PTPRG: variants seen among roughly 807,000 people sequenced by gnomAD.
The protein encoded by PTPRG is receptor-type tyrosine-protein phosphatase gamma.
In PTPRG, 102 loss-of-function variants were observed where a neutral mutation model predicts 165.3. The ratio of observed to expected loss-of-function variants is 0.62; its 90% CI spans 0.53 to 0.73. PTPRG has a LOEUF of 0.73. Ranked by LOEUF, PTPRG falls within the 30% of genes least tolerant of loss-of-function variation. The probability of loss-of-function intolerance (pLI) is 0.00; values close to 1 mark genes in which losing one functional copy is unlikely to be tolerated. For missense variants in PTPRG, 1,866 were observed against 1,861.4 expected (o/e 1.00, Z -0.05); for synonymous variants, 675 against 669.5 (o/e 1.01, Z -0.13).
intron 4 of PTPRG, among the ~76,000 whole-genome samples, chr3:62,012,697 A>T (rs1294856705): frequency 1.3e-5 from 2 of 152,148 alleles, no homozygotes; most frequent in Admixed American, 1.3e-4. Flanking sequence ...CACTTGTGGC[A>T]TCATATCAGA....
At chr3:62,132,445 A>G (rs1471452374) in intron 5 of PTPRG, among the ~76,000 whole-genome samples, 157 bp from the exon 6 acceptor site, 1 of 152,226 alleles carries the variant, frequency 6.6e-6, no homozygotes. Flanking sequence ...ATGATGTCAT[A>G]AATCTCCTGC....
At chr3:62,132,241 C>T (rs1280779615) in intron 5 of PTPRG, among the ~76,000 whole-genome samples, 1 of 152,138 alleles carries the variant, frequency 6.6e-6, no homozygotes, top group East Asian at 1.9e-4. Context: ...TGAAATTTTC[C>T]GTCAATGATG....
chr3:61,897,629 A>C (rs1225252547), intron 2 of PTPRG, among the ~76,000 whole-genome samples: 3 of 152,154 alleles, frequency 2.0e-5, no homozygotes, highest in African/African-American at 7.2e-5. Flanking sequence ...CTTTCCTGGG[A>C]TTTTAATAGG....
intron 1 of PTPRG, among the ~76,000 whole-genome samples, chr3:61,609,799 C>T (rs1021850139): frequency 7.2e-5 from 11 of 151,976 alleles, no homozygotes; most frequent in South Asian, 2.1e-4. Context: ...GCCCAGGTTG[C>T]GGTGACTGCA....
chr3:62,004,434 T>G (rs1384132402), intron 4 of PTPRG, among the ~76,000 whole-genome samples: 2 of 152,178 alleles, frequency 1.3e-5, no homozygotes, highest in African/African-American at 4.8e-5. Context: ...CCTTCAGGCC[T>G]CTCAAAAAAG....
At chr3:62,075,826 T>G (rs1227157205) in intron 4 of PTPRG, among the ~76,000 whole-genome samples, 1 of 152,166 alleles carries the variant, frequency 6.6e-6, no homozygotes, top group Admixed American at 6.6e-5. Flanking sequence ...GCATCACGCC[T>G]TTTGGAAAAG....
At chr3:61,653,346 A>G (rs1307953006) in intron 1 of PTPRG, among the ~76,000 whole-genome samples, 2 of 152,014 alleles carry the variant, frequency 1.3e-5, no homozygotes, top group African/African-American at 2.4e-5. Flanking sequence ...ATGGTTCATA[A>G]TGGGTGGCAT....
chr3:61,666,447 C>A (rs1272203568), intron 1 of PTPRG, among the ~76,000 whole-genome samples: 2 of 152,216 alleles, frequency 1.3e-5, no homozygotes, highest in Non-Finnish European at 2.9e-5. Context: ...GTGTTCAGTT[C>A]TCTGCTGTTA....
chr3:61,912,934 G>T (rs1161434026), intron 2 of PTPRG, among the ~76,000 whole-genome samples: 1 of 151,860 alleles, frequency 6.6e-6, no homozygotes, highest in Non-Finnish European at 1.5e-5. Context: ...TTTTTCTCAT[G>T]CTGAAAATAA....
At chr3:62,243,089 G>A (rs1165330552) in intron 14 of PTPRG, among the ~76,000 whole-genome samples, 2 of 152,104 alleles carry the variant, frequency 1.3e-5, no homozygotes, top group Non-Finnish European at 2.9e-5. Context: ...GGAAAGCTGA[G>A]GGCCAGCCAG....
intron 2 of PTPRG, among the ~76,000 whole-genome samples, chr3:61,883,215 G>A (rs2037937078): frequency 6.6e-6 from 1 of 152,160 alleles, no homozygotes; most frequent in Non-Finnish European, 1.5e-5. Flanking sequence ...TTAGAATAAT[G>A]ATGAAAAAAT....
At chr3:61,873,744 A>G (rs1254555072) in intron 2 of PTPRG, among the ~76,000 whole-genome samples, 1 of 152,110 alleles carries the variant, frequency 6.6e-6, no homozygotes, top group African/African-American at 2.4e-5. Flanking sequence ...GCTCTCTGGT[A>G]TAAGAAAAAC....
Position 61,670,693 on chromosome 3 carries a change from G to A in PTPRG, c.86-78185G>A, listed in dbSNP as rs780031814. ...TTCTTAAAATCTCTCGCAGTCCCCC[G>A]GCATTTTCCTGAGCCTCCGGTTGTA... On this transcript the variant is annotated intron_variant, in intron 1 of 29. Transcript: ENST00000474889. Among the ~76,000 whole-genome samples, 25 of 152,124 alleles carry A rather than the reference G, an allele frequency of 1.6e-4. 1 individual carries two copies. The highest frequency in any genetic ancestry group is 4.1e-4 in the South Asian group (2 of 4,828).
intron 5 of PTPRG, among the ~76,000 whole-genome samples, chr3:62,098,890 C>G (rs768509699): frequency 1.3e-5 from 2 of 152,136 alleles, no homozygotes; most frequent in Admixed American, 6.5e-5. Context: ...GGGTTGTGGT[C>G]ACAGAATATG....
intron 2 of PTPRG, among the ~76,000 whole-genome samples, chr3:61,816,731 C>T (rs942744354): frequency 5.9e-5 from 9 of 151,612 alleles, no homozygotes; most frequent in East Asian, 3.9e-4. Flanking sequence ...GTTTTTGCAG[C>T]GGTCTTGATG....
chr3:62,128,601 T>C (rs1230045900), intron 5 of PTPRG, among the ~76,000 whole-genome samples: 1 of 151,426 alleles, frequency 6.6e-6, no homozygotes, highest in Non-Finnish European at 1.5e-5. Flanking sequence ...ACTCTAAACT[T>C]TAAACGTTTA....
chr3:62,107,473 C>G (rs1702512443), intron 5 of PTPRG, among the ~76,000 whole-genome samples: 1 of 152,210 alleles, frequency 6.6e-6, no homozygotes, highest in African/African-American at 2.4e-5. Flanking sequence ...TTCTAAGTCC[C>G]AGGCAATAAC....
chr3:61,633,640 A>C (rs1701827001), intron 1 of PTPRG, among the ~76,000 whole-genome samples: 1 of 152,172 alleles, frequency 6.6e-6, no homozygotes, highest in Non-Finnish European at 1.5e-5. Flanking sequence ...AAATAGAAAT[A>C]GTTTTACTTA....
intron 1 of PTPRG, among the ~76,000 whole-genome samples, chr3:61,725,068 T>A (rs1281478258): frequency 6.6e-6 from 1 of 152,188 alleles, no homozygotes; most frequent in Non-Finnish European, 1.5e-5. Flanking sequence ...GTACAGAAGA[T>A]TTTCTCTTCT....
Sources: gnomAD v4.1 joint callset for allele counts (sites outside exome capture counted in the v4.1 genomes callset) on GRCh38, gnomAD v4.1.1 for gene constraint, MANE v1.5 for transcripts, NCBI Gene and HGNC (gene_info 2026-07-23, HGNC 2026-07-21) for gene names.